The following NFIB variants were observed in gnomAD, a reference collection of about 807,000 sequenced individuals.
NFIB encodes nuclear factor 1 B-type.
A neutral mutation model predicts 61.5 loss-of-function variants in NFIB; 11 were observed. The observed-to-expected ratio is 0.18, with a 90% CI of 0.11 to 0.30. The LOEUF (loss-of-function observed/expected upper bound fraction) is 0.30. Ranked by LOEUF, NFIB falls within the 10% of genes least tolerant of loss-of-function variation. NFIB has a pLI of 1.00. For missense variants in NFIB, 471 were observed against 608.9 expected, an observed-to-expected ratio of 0.77 and a Z score of 2.38; for synonymous variants, 260 against 216.5, an observed-to-expected ratio of 1.20 and a Z score of -1.76.
chr9:14,520,196 T>C, the NFIB span, among the ~76,000 whole-genome samples: 3 of 152,200 alleles, frequency 2.0e-5, no homozygotes, highest in Admixed American at 6.5e-5. Context: ...ATCTATCTAA[T>C]TGTAATTTTA....
At chr9:14,450,216 G>A in the NFIB span, among the ~76,000 whole-genome samples, 3 of 151,944 alleles carry the variant, frequency 2.0e-5, no homozygotes, top group African/African-American at 2.4e-5. Flanking sequence ...GACAACATGC[G>A]GTGTTTGGTT....
At chr9:14,138,917 T>C (rs1286571247) in intron 6 of NFIB, among the ~76,000 whole-genome samples, 2 of 152,150 alleles carry the variant, frequency 1.3e-5, no homozygotes, top group African/African-American at 4.8e-5. Flanking sequence ...TGTGTATGTA[T>C]ATGTAAAATT....
chr9:14,310,022 A>G (rs1245125340), intron 1 of NFIB, among the ~76,000 whole-genome samples: 1 of 152,202 alleles, frequency 6.6e-6, no homozygotes, highest in Non-Finnish European at 1.5e-5. Flanking sequence ...GTTCAGTGAC[A>G]TTTCATTTTC....
the NFIB span, among the ~76,000 whole-genome samples, chr9:14,518,947 G>A: frequency 1.3e-5 from 2 of 152,168 alleles, no homozygotes; most frequent in East Asian, 1.9e-4. Flanking sequence ...GAAGGAGGAA[G>A]GGGAAAGTCC....
chr9:14,249,529 T>G (rs911967323), intron 2 of NFIB, among the ~76,000 whole-genome samples: 1 of 152,212 alleles, frequency 6.6e-6, no homozygotes, highest in African/African-American at 2.4e-5. Flanking sequence ...ATTTTTGTGA[T>G]CCTTTGATTT....
the NFIB span, among the ~76,000 whole-genome samples, chr9:14,431,789 A>C: frequency 2.0e-5 from 3 of 152,158 alleles, no homozygotes; most frequent in African/African-American, 7.2e-5. Context: ...CAGAGGAGAG[A>C]AAACAGGAAG....
chr9:14,431,157 AAC>A, the NFIB span, among the ~76,000 whole-genome samples: 1 of 152,196 alleles, frequency 6.6e-6, no homozygotes. Flanking sequence ...TTAGAGTAAA[AAC>A]ACATTTTAAC....
rs1587783498 is a variant in NFIB at position 14,230,144 on chromosome 9, G to A, written c.563-50364C>T. 5.3e-5 allele frequency among the ~76,000 whole-genome samples: 8 copies of A among 152,306 alleles called. 2 individuals are homozygous for A. In the South Asian group the frequency reaches 1.7e-3, roughly 32 times the overall value. On this transcript the variant is annotated intron_variant, in intron 2 of 10. Coordinates refer to ENST00000380953, the MANE Select transcript of NFIB (RefSeq NM_001190737.2). Reference sequence around the variant, plus strand: ...TCTAATTAGTGGTATTTTTAAGACAGTATAAAAGAATGGTATAAAATAATT... The same window carrying A: ...TCTAATTAGTGGTATTTTTAAGACAATATAAAAGAATGGTATAAAATAATT...
Position 14,177,506 on chromosome 9 carries a change from G to A in NFIB, c.616+2221C>T, listed in dbSNP as rs565295542. 4.6e-5 allele frequency among the ~76,000 whole-genome samples: 7 copies of A among 151,922 alleles called. No homozygotes were observed. In the East Asian group the frequency reaches 7.7e-4, roughly 17 times the overall value. ...ATAGAATTCCTTAATAAGCCTTATGGTTGAGTTCATAGTATTATAATACAC... is the reference window on the plus strand; with the variant it reads ...ATAGAATTCCTTAATAAGCCTTATGATTGAGTTCATAGTATTATAATACAC... On this transcript the variant is annotated intron_variant, in intron 3 of 10. Transcript: ENST00000380953.
intron 1 of NFIB, among the ~76,000 whole-genome samples, chr9:14,339,685 C>T (rs1000849647): frequency 6.6e-6 from 1 of 152,158 alleles, no homozygotes; most frequent in Non-Finnish European, 1.5e-5. Context: ...ATCCACTAGA[C>T]ATTTATCCAA....
chr9:14,128,016 A>G (rs1272607224), intron 6 of NFIB, among the ~76,000 whole-genome samples: 1 of 152,028 alleles, frequency 6.6e-6, no homozygotes, highest in Non-Finnish European at 1.5e-5. Flanking sequence ...AAAAATTTAA[A>G]CCATGGTTTA....
chr9:14,302,761 C>A (rs903320183), intron 2 of NFIB, among the ~76,000 whole-genome samples: 35 of 151,944 alleles, frequency 2.3e-4, no homozygotes, highest in South Asian at 4.2e-4. Context: ...ACCACCACCA[C>A]CACCCCCTTC....
intron 5 of NFIB, among the ~76,000 whole-genome samples, chr9:14,149,304 AAAAT>A (rs1391790410): frequency 6.6e-6 from 1 of 152,234 alleles, no homozygotes; most frequent in Non-Finnish European, 1.5e-5. Context: ...ATACTTTAGA[AAAAT>A]AAATATACAG....
chr9:14,523,109 C>T, the NFIB span, among the ~76,000 whole-genome samples: 1 of 151,940 alleles, frequency 6.6e-6, no homozygotes, highest in Non-Finnish European at 1.5e-5. Flanking sequence ...TTTCAGGGGC[C>T]TCCAGAGTAC....
At chr9:14,281,037 A>G (rs1309817028) in intron 2 of NFIB, among the ~76,000 whole-genome samples, 1 of 152,182 alleles carries the variant, frequency 6.6e-6, no homozygotes, top group Non-Finnish European at 1.5e-5. Flanking sequence ...ATGGGATATT[A>G]TATTTTTCTA....
chr9:14,095,749 AACTT>A (rs1360976248), intron 10 of NFIB, among the ~76,000 whole-genome samples: 1 of 152,168 alleles, frequency 6.6e-6, no homozygotes, highest in African/African-American at 2.4e-5. Flanking sequence ...TTAAAGGTGA[AACTT>A]ACTTGTATCA....
chr9:14,393,855 G>A (rs10810136), intron 1 of NFIB, among the ~76,000 whole-genome samples: 89,886 of 152,058 alleles, frequency 0.59, 27,004 homozygotes, highest in East Asian at 0.72. Flanking sequence ...TTTGTTTATC[G>A]GAGTCAGTCA....
intron 2 of NFIB, among the ~76,000 whole-genome samples, chr9:14,238,902 T>A (rs1377023972): frequency 6.6e-6 from 1 of 152,234 alleles, no homozygotes; most frequent in East Asian, 1.9e-4. Context: ...CCTGCTTTTT[T>A]TTCTTCCCTT....
intron 2 of NFIB, among the ~76,000 whole-genome samples, chr9:14,266,499 G>T (rs971837770): frequency 1.3e-5 from 2 of 152,036 alleles, no homozygotes; most frequent in African/African-American, 4.8e-5. Context: ...GGAGGCTGAG[G>T]CAGGAGGATT....
Sources: gnomAD v4.1 joint callset for allele counts (sites outside exome capture counted in the v4.1 genomes callset) on GRCh38, gnomAD v4.1.1 for gene constraint, MANE v1.5 for transcripts, NCBI Gene and HGNC (gene_info 2026-07-23, HGNC 2026-07-21) for gene names.